FRMD5: variants seen among roughly 807,000 people sequenced by gnomAD.
FRMD5 encodes FERM domain-containing protein 5.
Under a neutral mutation model 69.0 loss-of-function variants are expected in FRMD5, and 20 were observed. The observed-to-expected ratio is 0.29, with a 90% confidence interval of 0.20 to 0.42. FRMD5 has a LOEUF of 0.42. FRMD5 is among the 10% of genes least tolerant of loss of function. The pLI is 1.00. For synonymous variants in FRMD5, 271 were observed against 260.1 expected (o/e 1.04, Z -0.40); for missense variants, 595 against 708.6 (o/e 0.84, Z 1.82).
At chr15:43,985,057 G>C (rs1023190555) in intron 1 of FRMD5, among the ~76,000 whole-genome samples, 1 of 151,052 alleles carries the variant, frequency 6.6e-6, no homozygotes, top group Admixed American at 6.6e-5. Flanking sequence ...AAGGCAGGCA[G>C]ATCACGAGGT....
intron 1 of FRMD5, among the ~76,000 whole-genome samples, chr15:43,960,268 T>G (rs1209098305): frequency 2.0e-5 from 3 of 151,344 alleles, no homozygotes; most frequent in African/African-American, 7.3e-5. Flanking sequence ...TATTTTTTGT[T>G]TATTTAAGTC....
At chr15:44,005,456 A>C (rs1890395246) in intron 1 of FRMD5, among the ~76,000 whole-genome samples, 1 of 145,576 alleles carries the variant, frequency 6.9e-6, no homozygotes, top group Admixed American at 6.9e-5. Context: ...GGGCAAAAAG[A>C]GTGAAACTCC....
At position 43,977,183 on chromosome 15, in the gene FRMD5, G is replaced by C. The variant is rs144156332; in HGVS notation, c.103-52874C>G. 4.9e-3 allele frequency among the ~76,000 whole-genome samples: 744 copies of C among 152,194 alleles called. 5 individuals are homozygous for C. The highest frequency in any genetic ancestry group is 7.9e-3 in the Admixed American group (121 of 15,268). On this transcript the variant is annotated intron_variant, in intron 1 of 13. Transcript: ENST00000417257. ...GGGGTTGGGGAAGTGCTAGCAGGTT[G>C]GAACTGCAGGGGGCTGGGGAAGGAT... is the stretch of plus-strand genomic sequence containing the variant.
chr15:44,176,113 T>A (rs1490620576), intron 1 of FRMD5, among the ~76,000 whole-genome samples: 1 of 152,212 alleles, frequency 6.6e-6, no homozygotes, highest in Non-Finnish European at 1.5e-5. Context: ...GGTGAACTCA[T>A]ACTTCCCAAC....
chr15:43,932,939 G>T (rs1173876750), intron 1 of FRMD5, among the ~76,000 whole-genome samples: 3 of 152,192 alleles, frequency 2.0e-5, no homozygotes, highest in Non-Finnish European at 4.4e-5. Context: ...GGACAGCCAG[G>T]GCCTCCCTTG....
intron 1 of FRMD5, among the ~76,000 whole-genome samples, chr15:44,176,735 C>T (rs2077901541): frequency 6.6e-6 from 1 of 151,940 alleles, no homozygotes; most frequent in African/African-American, 2.4e-5. Context: ...ATAGACATTT[C>T]TCCCAAAAAG....
chr15:43,898,572 G>C (rs73404405), intron 7 of FRMD5, among the ~76,000 whole-genome samples: 1 of 152,172 alleles, frequency 6.6e-6, no homozygotes, highest in Non-Finnish European at 1.5e-5. Flanking sequence ...CCGTAAGTTG[G>C]GCCCAGGAGG....
chr15:44,135,811 G>C (rs188405541), intron 1 of FRMD5, among the ~76,000 whole-genome samples: 8 of 132,838 alleles, frequency 6.0e-5, no homozygotes, highest in Non-Finnish European at 7.7e-5. Context: ...GAGACAGAGT[G>C]AGACTCTGTC....
intron 10 of FRMD5, among the ~76,000 whole-genome samples, chr15:43,887,973 C>A (rs926813980): frequency 1.3e-4 from 20 of 152,334 alleles, no homozygotes; most frequent in Non-Finnish European, 2.8e-4. Flanking sequence ...GAAAACAACA[C>A]AAAAGCCCCA....
At chr15:44,131,151 C>T (rs1167954896) in intron 1 of FRMD5, among the ~76,000 whole-genome samples, 1 of 152,084 alleles carries the variant, frequency 6.6e-6, no homozygotes, top group Non-Finnish European at 1.5e-5. Flanking sequence ...ATTCTTTAGA[C>T]ATTTCTCCAA....
At chr15:44,056,007 G>A (rs773902708) in intron 1 of FRMD5, among the ~76,000 whole-genome samples, 11 of 152,074 alleles carry the variant, frequency 7.2e-5, no homozygotes, top group Non-Finnish European at 1.0e-4. Context: ...TCCCCAAATT[G>A]AAATAACCTC....
chr15:44,117,109 A>G (rs992271853), intron 1 of FRMD5, among the ~76,000 whole-genome samples: 15 of 152,072 alleles, frequency 9.9e-5, no homozygotes, highest in Non-Finnish European at 1.8e-4. Flanking sequence ...CGTCTTAAAA[A>G]AAAAAAAAAA....
At chr15:44,170,715 C>T (rs1566983279) in intron 1 of FRMD5, among the ~76,000 whole-genome samples, 1 of 152,078 alleles carries the variant, frequency 6.6e-6, no homozygotes, top group African/African-American at 2.4e-5. Flanking sequence ...CTGCCAGCCA[C>T]TTTTGATGGA....
At chr15:44,040,326 T>C (rs1211126663) in intron 1 of FRMD5, among the ~76,000 whole-genome samples, 2 of 151,974 alleles carry the variant, frequency 1.3e-5, no homozygotes, top group African/African-American at 4.8e-5. Flanking sequence ...ACCACAAAGA[T>C]ACTCCTCGAG....
At chr15:43,911,651 T>A (rs1203996936) in intron 4 of FRMD5, among the ~76,000 whole-genome samples, 1 of 152,222 alleles carries the variant, frequency 6.6e-6, no homozygotes, top group Non-Finnish European at 1.5e-5. Context: ...AATTAAACGC[T>A]TGTTATTTTA....
chr15:44,040,618 G>C (rs1378348216), intron 1 of FRMD5, among the ~76,000 whole-genome samples: 2 of 152,146 alleles, frequency 1.3e-5, no homozygotes, highest in Non-Finnish European at 2.9e-5. Context: ...CAAATGTTGA[G>C]AGATTTTGTC....
At chr15:44,001,002 A>T (rs991385382) in intron 1 of FRMD5, among the ~76,000 whole-genome samples, 5 of 152,082 alleles carry the variant, frequency 3.3e-5, no homozygotes, top group Non-Finnish European at 7.4e-5. Context: ...ACTAATTTAC[A>T]TTCCCATTAA....
chr15:44,116,590 T>G (rs1473454904), intron 1 of FRMD5, among the ~76,000 whole-genome samples: 1 of 152,044 alleles, frequency 6.6e-6, no homozygotes, highest in Non-Finnish European at 1.5e-5. Flanking sequence ...GCTAAAGGGT[T>G]AAACAAGGAA....
intron 1 of FRMD5, among the ~76,000 whole-genome samples, chr15:44,093,066 G>A (rs2076497375): frequency 6.6e-6 from 1 of 151,266 alleles, no homozygotes; most frequent in African/African-American, 2.4e-5. Flanking sequence ...CGAGTAGCTA[G>A]GACTATAGGC....
Sources: allele counts gnomAD v4.1 joint callset (sites outside exome capture counted in the v4.1 genomes callset), GRCh38; gene constraint gnomAD v4.1.1; transcripts MANE v1.5; gene names NCBI Gene and HGNC (gene_info 2026-07-23, HGNC 2026-07-21).